CDK10: variants seen among roughly 807,000 people sequenced by gnomAD.
The protein encoded by CDK10 is cyclin-dependent kinase 10.
A neutral mutation model predicts 51.0 loss-of-function variants in CDK10; 55 were observed. The ratio of observed to expected loss-of-function variants is 1.08; its 90% CI spans 0.87 to 1.35. The LOEUF (loss-of-function observed/expected upper bound fraction) is 1.35. CDK10 is among the 40% of genes most tolerant of loss of function. CDK10 has a pLI of 0.00. For synonymous variants in CDK10, 255 were observed against 199.1 expected (o/e 1.28, Z -2.36); for missense variants, 589 against 485.1 (o/e 1.21, Z -2.01).
In CDK10 at chr16:89,695,877, C is replaced by G; in HGVS notation, c.*185C>G. 1 of 1,357,352 alleles carries G rather than the reference C, an allele frequency of 7.4e-7. No individual in the cohort carries two copies. Among genetic ancestry groups the G allele is most frequent in the Middle Eastern group, 1.9e-4 (1 of 5,260 alleles). The allele number at this position is 1,357,352 out of a possible 1,614,324, so 84.1% of individuals were successfully genotyped here. A position where few individuals can be genotyped will look rare whatever the true frequency, so the allele number is the denominator to read the frequency against. The stretch of plus-strand genomic sequence containing the variant: ...CCCACTGCTGCCCCCAGAAAAAGGC[C>G]GGGTGACACCGGGGGGCTCCCAGCC... On this transcript the variant is annotated 3_prime_UTR_variant, in exon 13 of 13. Coordinates refer to ENST00000353379, the MANE Select transcript of CDK10 (RefSeq NM_052988.5).
intron 1 of CDK10, among the ~76,000 whole-genome samples, chr16:89,688,308 T>C (rs371238900): frequency 6.6e-6 from 1 of 151,964 alleles, no homozygotes; most frequent in East Asian, 1.9e-4. Context: ...GCTCTAGATC[T>C]CCTGACTTCG....
intron 10 of CDK10, 48 bp from the exon 11 acceptor site, chr16:89,694,858 TGCCCACGCCCTCTGCGCCCGCAGCC>T: frequency 8.0e-6 from 12 of 1,503,888 alleles, no homozygotes; most frequent in Non-Finnish European, 1.1e-5. Flanking sequence ...CCCCCGCCCG[TGCCCACGCCCTCTGCGCCCGCAGCC>T]CCCGCCCGTG....
Position 89,693,277 on chromosome 16 carries a change from C to G in CDK10, c.489C>G (p.Asp163Glu). 2 of 1,614,142 alleles carry G rather than the reference C, an allele frequency of 1.2e-6. No homozygotes were observed. The highest frequency in any genetic ancestry group is 1.7e-6 in the Non-Finnish European group (2 of 1,180,020). Residue 163 changes from aspartate to glutamate, a missense_variant, in exon 7 of 13, where the codon GAC becomes GAG. Physicochemically the swap from Asp to Glu is conservative, Grantham distance 45. Coordinates refer to ENST00000353379, the MANE Select transcript of CDK10 (RefSeq NM_052988.5). ...YLHRNFIIHR[D>E]LKVSNLLMTD... ...TGCCACTGTTTTTCCATCACAGGGA[C>G]CTGAAGGTTTCCAACTTGCTCATGA...
At chr16:89,690,500 G>A (rs927222061) in intron 2 of CDK10, 53 bp from the exon 3 acceptor site, 1 of 1,516,280 alleles carries the variant, frequency 6.6e-7, no homozygotes, top group Non-Finnish European at 9.2e-7. Context: ...CAGCGCTAGG[G>A]AGCCCACGAG....
chr16:89,690,682 GT>G, intron 3 of CDK10, 58 bp downstream of exon 3: 1 of 1,419,746 alleles, frequency 7.0e-7, no homozygotes, highest in Non-Finnish European at 1.0e-6. Flanking sequence ...AAGGATGTGA[GT>G]TACCTGAAGT....
Position 89,694,170 on chromosome 16 carries a change from T to C in CDK10, c.609-3T>C. ...GTATTGAGGTGGGTGCTTCTGTGTGTAGGTACCGAGCCCCTGAACTGCTGT... is the reference window on the plus strand; with the variant it reads ...GTATTGAGGTGGGTGCTTCTGTGTGCAGGTACCGAGCCCCTGAACTGCTGT... On this transcript the variant is annotated splice_polypyrimidine_tract_variant and splice_region_variant and intron_variant, in intron 8 of 12. Transcript: ENST00000353379. 1.2e-6 allele frequency: 2 copies of C among 1,613,816 alleles called. No individual in the cohort carries two copies. Among genetic ancestry groups the C allele is most frequent in the Non-Finnish European group, 1.7e-6 (2 of 1,179,864 alleles).
intron 9 of CDK10, 130 bp downstream of exon 9, chr16:89,694,362 C>A: frequency 9.7e-7 from 1 of 1,027,050 alleles, no homozygotes. Flanking sequence ...CCTCCCACTC[C>A]CAGGGAGGTG....
In CDK10 at chr16:89,695,060, C is replaced by T. The variant is rs879562633; in HGVS notation, c.922C>T (p.Pro308Ser). The change falls in exon 11 of 13, where the codon CCT (proline) becomes TCT (serine). Residue 308 changes from proline to serine, a missense_variant. Physicochemically the swap from Pro to Ser is moderately conservative, Grantham distance 74. Coordinates refer to ENST00000353379, the MANE Select transcript of CDK10 (RefSeq NM_052988.5). ...GCTGCACTTCCTGTTCATGTACGAC[C>T]CTAAGAAAAGGTGCTGATCTCTGCA... ...RLLHFLFMYD[P>S]KKRATAGDCL... 1.2e-6 allele frequency: 2 copies of T among 1,612,888 alleles called. No individual in the cohort carries two copies. The highest frequency in any genetic ancestry group is 1.1e-5 in the South Asian group (1 of 91,014).
chr16:89,695,837 A>G lies in CDK10; in HGVS notation c.*145A>G, dbSNP rs1399333936. 2.6e-6 allele frequency: 4 copies of G among 1,523,098 alleles called. No homozygotes were observed. In the South Asian group the frequency reaches 3.6e-5, roughly 14 times the overall value. 94.3% of individuals were successfully genotyped at this position (1,523,098 alleles called of 1,614,324 possible). A position where few individuals can be genotyped will look rare whatever the true frequency, so the allele number is the denominator to read the frequency against. On this transcript the variant is annotated 3_prime_UTR_variant, in exon 13 of 13. Coordinates refer to ENST00000353379, the MANE Select transcript of CDK10 (RefSeq NM_052988.5). ...GAACATCCTCCACTGACTTCCTCCC[A>G]CTGTCTGCCCTGAACCCACTGCTGC...
At chr16:89,689,204 T>C (rs771213719) in intron 1 of CDK10, 48 bp from the exon 2 acceptor site, 2 of 1,554,646 alleles carry the variant, frequency 1.3e-6, no homozygotes, top group Non-Finnish European at 8.9e-7. Flanking sequence ...TCCTCAGTTG[T>C]TCCATCAGCT....
chr16:89,694,639 G>A (rs779282360), intron 9 of CDK10, 26 bp from the exon 10 acceptor site: 19 of 1,574,132 alleles, frequency 1.2e-5, no homozygotes, highest in Middle Eastern at 1.7e-4. Flanking sequence ...ACGTCTGGCC[G>A]CAGTGAGGTC....
At chr16:89,688,684 G>A (rs935116896) in intron 1 of CDK10, among the ~76,000 whole-genome samples, 2 of 152,190 alleles carry the variant, frequency 1.3e-5, no homozygotes, top group Non-Finnish European at 2.9e-5. Context: ...AGGGATGCTG[G>A]GACAGCAGCC....
At position 89,689,267 on chromosome 16, in the gene CDK10, A is replaced by C; in HGVS notation, c.103A>C (p.Ser35Arg). The C allele has an allele frequency of 1.2e-6, 2 of 1,613,976 alleles. No individual in the cohort carries two copies. Among genetic ancestry groups the C allele is most frequent in the Non-Finnish European group, 8.5e-7 (1 of 1,179,980 alleles). Residue 35 changes from serine to arginine, a missense_variant, in exon 2 of 13, where the codon AGT (serine) becomes CGT (arginine). Coordinates refer to ENST00000353379, the MANE Select transcript of CDK10 (RefSeq NM_052988.5). ...TCTGTTTCAGCTGGGACGATGCCGG[A>C]GTGTGAAGGAGTTTGAGAAGCTGAA... ...PPEHRLGRCR[S>R]VKEFEKLNRI...
chr16:89,688,555 C>A (rs1183609327), intron 1 of CDK10, among the ~76,000 whole-genome samples: 1 of 152,166 alleles, frequency 6.6e-6, no homozygotes, highest in Non-Finnish European at 1.5e-5. Context: ...CTTCCCGTCA[C>A]TGAGGTGAGA....
chr16:89,691,413 G>A, intron 3 of CDK10, 30 bp from the exon 4 acceptor site: 6 of 1,545,402 alleles, frequency 3.9e-6, no homozygotes, highest in Non-Finnish European at 5.3e-6. Context: ...TCACTGGGGT[G>A]GGGCTCGCTG....
chr16:89,695,439 A>T, intron 12 of CDK10, 94 bp downstream of exon 12: 3 of 1,486,592 alleles, frequency 2.0e-6, no homozygotes, highest in Non-Finnish European at 9.3e-7. Flanking sequence ...TGCTGCCCTC[A>T]CTGACGGCAC....
chr16:89,686,739 A>C lies in CDK10; in HGVS notation c.29A>C (p.Gln10Pro), dbSNP rs373513801. The change falls in exon 1 of 13, where the codon CAG (glutamine) becomes CCG (proline). Residue 10 changes from glutamine (Q) to proline (P), a missense_variant. Physicochemically the swap from Gln to Pro is moderately conservative, Grantham distance 76 (BLOSUM62 -1). Coordinates refer to ENST00000353379, the MANE Select transcript of CDK10 (RefSeq NM_052988.5). MAEPDLECE[Q>P]IRLKCIRKEG... ...GCGGAGCCAGATCTGGAGTGCGAGC[A>C]GATCCGTCTGAAGTGTATTCGTAAG... 6.2e-6 allele frequency: 10 copies of C among 1,611,556 alleles called. No individual in the cohort carries two copies. Among genetic ancestry groups the C allele is most frequent in the Admixed American group, 1.7e-5 (1 of 59,862 alleles).
In CDK10 at chr16:89,695,579, A is replaced by G. The variant is rs1318288136; in HGVS notation, c.986-16A>G. ...GGGGCCCTGCCCCGCCCAGCACTGA[A>G]CCCTTCTCCCTGCAGCCTGTGAGCC... On this transcript the variant is annotated splice_polypyrimidine_tract_variant and intron_variant, in intron 12 of 12. Coordinates refer to ENST00000353379, the MANE Select transcript of CDK10 (RefSeq NM_052988.5). 1 of 1,595,250 alleles carries G rather than the reference A, an allele frequency of 6.3e-7. No individual in the cohort carries two copies. The highest frequency in any genetic ancestry group is 8.5e-7 in the Non-Finnish European group (1 of 1,173,128).
At chr16:89,691,303 T>C (rs2060435248) in intron 3 of CDK10, 140 bp from the exon 4 acceptor site, 3 of 572,128 alleles carry the variant, frequency 5.2e-6, no homozygotes, top group Admixed American at 3.3e-5. Flanking sequence ...AAAATGCTTA[T>C]TGGGGTCGCC....
Sources: gnomAD v4.1 joint callset for allele counts (sites outside exome capture counted in the v4.1 genomes callset) on GRCh38, gnomAD v4.1.1 for gene constraint, MANE v1.5 for transcripts, NCBI Gene and HGNC (gene_info 2026-07-23, HGNC 2026-07-21) for gene names.